CDH23: variants seen among roughly 807,000 people sequenced by gnomAD.
The protein encoded by CDH23 is cadherin related 23.
In CDH23, 189 loss-of-function variants were observed where a neutral mutation model predicts 317.1. The ratio of observed to expected loss-of-function variants is 0.60; its 90% CI spans 0.53 to 0.67. CDH23 has a LOEUF of 0.67. Ranked by LOEUF, CDH23 falls within the 30% of genes least tolerant of loss-of-function variation. The pLI, the probability that CDH23 is intolerant of heterozygous loss-of-function variation, is 0.00. For synonymous variants in CDH23, 1,839 were observed against 1,876.8 expected, an observed-to-expected ratio of 0.98 and a Z score of 0.52; for missense variants, 4,401 against 4,592.4, an observed-to-expected ratio of 0.96 and a Z score of 1.20.
intron 28 of CDH23, among the ~76,000 whole-genome samples, chr10:71,723,806 G>A (rs1478308770): frequency 1.3e-5 from 2 of 152,288 alleles, no homozygotes; most frequent in African/African-American, 2.4e-5. Context: ...CCTGGAGGAG[G>A]ATCGGGGCAG....
chr10:71,700,775 C>G (rs535241010), intron 22 of CDH23, among the ~76,000 whole-genome samples: 7 of 152,276 alleles, frequency 4.6e-5, no homozygotes, highest in Admixed American at 2.0e-4. Flanking sequence ...CCATCAGCCT[C>G]TCTCTCCCCG....
chr10:71,800,915 G>A (rs1841540331), intron 53 of CDH23, among the ~76,000 whole-genome samples, 160 bp downstream of exon 53: 1 of 152,142 alleles, frequency 6.6e-6, no homozygotes, highest in African/African-American at 2.4e-5. Flanking sequence ...GTAACTGGAT[G>A]GGTTACAATG....
chr10:71,654,164 C>T (rs547812893), intron 14 of CDH23, among the ~76,000 whole-genome samples: 7 of 152,158 alleles, frequency 4.6e-5, no homozygotes, highest in Admixed American at 3.9e-4. Flanking sequence ...GCCAGGTGTG[C>T]GACCTGTGCG....
At chr10:71,412,392 C>T (rs1848377684) in intron 1 of CDH23, among the ~76,000 whole-genome samples, 1 of 152,222 alleles carries the variant, frequency 6.6e-6, no homozygotes, top group Non-Finnish European at 1.5e-5. Context: ...GTACTGTTTT[C>T]CATTGTAGCT....
Position 71,813,319 on chromosome 10 carries a change from G to C in CDH23, c.9709G>C (p.Ala3237Pro). ...CTTTGCACAGCGGATGGTGCAAAAA[G>C]CCTCCTCCTGCCACTCCTCCATCTC... ...KLFAQRMVQKASSCHSSISEL... is the reference protein window; with the variant it reads ...KLFAQRMVQKPSSCHSSISEL... The change falls in exon 69 of 70, where the codon GCC becomes CCC. Residue 3237 changes from alanine to proline, a missense_variant. Physicochemically the swap from Ala to Pro is conservative, Grantham distance 27 (BLOSUM62 -1). Around this residue, in one of 3 missense-constraint regions of CDH23, gnomAD observed 1,144 missense variants for 1,138.2 expected, o/e 1.01. Transcript: ENST00000224721. 6.4e-7 allele frequency: 1 copy of C among 1,551,598 alleles called. No homozygotes were observed. The highest frequency in any genetic ancestry group is 1.2e-5 in the South Asian group (1 of 84,052).
chr10:71,476,255 G>A (rs1851792499), intron 3 of CDH23, among the ~76,000 whole-genome samples: 1 of 152,170 alleles, frequency 6.6e-6, no homozygotes, highest in African/African-American at 2.4e-5. Flanking sequence ...TTCATGCAGA[G>A]GAGGACTGTG....
chr10:71,532,014 C>T (rs1381114981), intron 6 of CDH23, among the ~76,000 whole-genome samples: 1 of 152,134 alleles, frequency 6.6e-6, no homozygotes, highest in Admixed American at 6.5e-5. Context: ...TACCAGCCAG[C>T]TCCTCCCAAA....
Position 71,439,807 on chromosome 10 carries a change from C to T in CDH23, c.-5-20C>T, listed in dbSNP as rs369371705. On this transcript the variant is annotated intron_variant, in intron 1 of 69. Transcript: ENST00000224721. ...CACCCAGGAAGCTTCTCACCCTCTT[C>T]TCTTTCTTTGTGTCCCCAGGAGCCA... is the stretch of plus-strand genomic sequence containing the variant. 177 of 1,550,120 alleles carry T rather than the reference C, an allele frequency of 1.1e-4. No individual in the cohort carries two copies. Among genetic ancestry groups the T allele is most frequent in the Non-Finnish European group, 1.3e-4 (152 of 1,144,758 alleles).
intron 3 of CDH23, among the ~76,000 whole-genome samples, chr10:71,472,037 T>C (rs920160673): frequency 8.5e-5 from 13 of 152,158 alleles, no homozygotes; most frequent in Admixed American, 7.2e-4. Flanking sequence ...AGATGATAGG[T>C]GATTCAGTTT....
At position 71,777,886 on chromosome 10, in the gene CDH23, C is replaced by T. The variant is rs1050340630; in HGVS notation, c.5052C>T (p.Arg1684=). The change falls in exon 39 of 70, where the codon CGC becomes CGT. Residue 1684 remains arginine, a synonymous_variant. Transcript: ENST00000224721. The part of the protein sequence containing the change: ...IVAGNIVNTF[R]IDRHMGVITA... Reference sequence around the variant, plus strand: ...CAGGCAACATCGTCAACACCTTCCGCATCGACAGACACATGGTCAGCAGCT... The same window carrying T: ...CAGGCAACATCGTCAACACCTTCCGTATCGACAGACACATGGTCAGCAGCT... The T allele has an allele frequency of 1.2e-6, 2 of 1,613,918 alleles. No homozygotes were observed. The highest frequency in any genetic ancestry group is 2.7e-5 in the African/African-American group (2 of 75,006).
chr10:71,762,130 GC>G, intron 38 of CDH23: 1 of 1,328,656 alleles, frequency 7.5e-7, no homozygotes, highest in Non-Finnish European at 1.0e-6. Flanking sequence ...CCAGCCACAG[GC>G]CAGGGGCATG....
chr10:71,702,981 T>C (rs900353792), intron 24 of CDH23, among the ~76,000 whole-genome samples: 23 of 152,196 alleles, frequency 1.5e-4, no homozygotes, highest in Non-Finnish European at 1.5e-5. Flanking sequence ...GACCTTCCAT[T>C]CCCTAAGCCT....
chr10:71,760,831 C>G (rs376240469), intron 38 of CDH23: 105 of 1,595,360 alleles, frequency 6.6e-5, no homozygotes, highest in Non-Finnish European at 8.9e-5. Context: ...CAGAAGAAAA[C>G]AGAGAACCCA....
At chr10:71,575,316 G>A (rs879395251) in intron 8 of CDH23, among the ~76,000 whole-genome samples, 11 of 152,148 alleles carry the variant, frequency 7.2e-5, no homozygotes, top group South Asian at 4.1e-4. Flanking sequence ...TAACAATCAC[G>A]TTTATAGCAT....
chr10:71,579,732 G>A (rs1021295811), intron 9 of CDH23, among the ~76,000 whole-genome samples: 3 of 152,220 alleles, frequency 2.0e-5, no homozygotes, highest in African/African-American at 7.2e-5. Flanking sequence ...GCCCTTTCTA[G>A]GTGGGCAGAG....
intron 3 of CDH23, among the ~76,000 whole-genome samples, chr10:71,458,142 C>A (rs1035567712): frequency 3.9e-5 from 6 of 152,244 alleles, no homozygotes; most frequent in Admixed American, 1.3e-4. Flanking sequence ...TCACTCCCCT[C>A]ATCAGGACTG....
chr10:71,447,804 C>A (rs1029504028), intron 3 of CDH23, among the ~76,000 whole-genome samples: 2 of 152,158 alleles, frequency 1.3e-5, no homozygotes, highest in Non-Finnish European at 2.9e-5. Flanking sequence ...TATTTGTGGA[C>A]GACTGGACTT....
At chr10:71,738,708 C>T (rs1839648049) in intron 35 of CDH23, 61 bp downstream of exon 35, 3 of 1,573,310 alleles carry the variant, frequency 1.9e-6, no homozygotes, top group African/African-American at 1.3e-5. Flanking sequence ...ACAGCTCTCA[C>T]AGCTGGAGGG....
chr10:71,739,515 G>A (rs1236574254), intron 35 of CDH23, 129 bp from the exon 36 acceptor site: 1 of 1,109,988 alleles, frequency 9.0e-7, no homozygotes, highest in Non-Finnish European at 1.3e-6. Context: ...TTAAAACACT[G>A]CACTCCCAAA....
Sources: allele counts gnomAD v4.1 joint callset (sites outside exome capture counted in the v4.1 genomes callset), GRCh38; gene constraint gnomAD v4.1.1; regional missense constraint gnomAD v4.1.1; transcripts MANE v1.5; gene names NCBI Gene and HGNC (gene_info 2026-07-23, HGNC 2026-07-21).